The following CTNNA2 variants were observed in gnomAD, a reference collection of about 807,000 sequenced individuals.
CTNNA2 encodes catenin alpha 2.
Under a neutral mutation model 101.0 loss-of-function variants are expected in CTNNA2, and 42 were observed. The ratio of observed to expected loss-of-function variants is 0.42; its 90% CI spans 0.32 to 0.54. The LOEUF (loss-of-function observed/expected upper bound fraction) is 0.54, where lower values mean the gene tolerates loss of function less well. Among genes scored for constraint, CTNNA2 ranks in the 20% least tolerant of loss-of-function variants. The pLI is 0.14. For synonymous variants in CTNNA2, 450 were observed against 456.4 expected (o/e 0.99, Z 0.18); for missense variants, 871 against 1,223.1 (o/e 0.71, Z 4.29).
chr2:79,522,607 T>C (rs1322914112), intron 1 of CTNNA2, among the ~76,000 whole-genome samples: 2 of 152,162 alleles, frequency 1.3e-5, no homozygotes, highest in Non-Finnish European at 1.5e-5. Flanking sequence ...GTATTAGTAC[T>C]TTCAGATTCA....
intron 3 of CTNNA2, among the ~76,000 whole-genome samples, chr2:79,765,454 T>C (rs1248879928): frequency 6.6e-6 from 1 of 152,168 alleles, no homozygotes; most frequent in Non-Finnish European, 1.5e-5. Flanking sequence ...AACTTCTGTA[T>C]GCATTAAAAT....
At chr2:79,925,730 C>G (rs768945028) in intron 7 of CTNNA2, among the ~76,000 whole-genome samples, 1 of 152,004 alleles carries the variant, frequency 6.6e-6, no homozygotes, top group East Asian at 1.9e-4. Flanking sequence ...TCCCTCTGTC[C>G]CCCAGATCTG....
intron 9 of CTNNA2, among the ~76,000 whole-genome samples, chr2:80,429,652 C>T (rs1681309408): frequency 6.6e-6 from 1 of 152,164 alleles, no homozygotes; most frequent in Non-Finnish European, 1.5e-5. Context: ...CTTTATTTTA[C>T]TGCACATACC....
chr2:79,740,437 A>G (rs964410496), intron 2 of CTNNA2, among the ~76,000 whole-genome samples: 1 of 152,152 alleles, frequency 6.6e-6, no homozygotes, highest in African/African-American at 2.4e-5. Context: ...AAGATTTTTG[A>G]AATACTTTTG....
intron 2 of CTNNA2, among the ~76,000 whole-genome samples, chr2:79,691,624 A>G (rs1684307952): frequency 6.6e-6 from 1 of 152,166 alleles, no homozygotes; most frequent in Non-Finnish European, 1.5e-5. Context: ...ACTTCAAACT[A>G]TACTACAAGG....
At chr2:79,448,785 A>G (rs1573170947) in intron 4 of CTNNA2, among the ~76,000 whole-genome samples, 1 of 152,086 alleles carries the variant, frequency 6.6e-6, no homozygotes, top group East Asian at 1.9e-4. Flanking sequence ...TTATGCCATG[A>G]AGAGTTAATA....
intron 7 of CTNNA2, among the ~76,000 whole-genome samples, chr2:80,070,743 GTTCCA>G (rs1304552822): frequency 6.7e-6 from 1 of 149,810 alleles, no homozygotes; most frequent in South Asian, 2.1e-4. Flanking sequence ...TCTGAAATCA[GTTCCA>G]TTGGGCCAAA....
chr2:79,712,512 T>C (rs551150579), intron 2 of CTNNA2, among the ~76,000 whole-genome samples: 3 of 152,282 alleles, frequency 2.0e-5, no homozygotes, highest in African/African-American at 7.2e-5. Context: ...TATTATTATC[T>C]AATTGCGAAG....
chr2:80,165,373 A>G (rs1704612959), intron 7 of CTNNA2, among the ~76,000 whole-genome samples: 2 of 151,722 alleles, frequency 1.3e-5, no homozygotes, highest in Admixed American at 1.3e-4. Context: ...TCATCCACTG[A>G]AATTTTAATT....
At chr2:79,436,901 G>A (rs1409153898) in intron 4 of CTNNA2, among the ~76,000 whole-genome samples, 5 of 151,808 alleles carry the variant, frequency 3.3e-5, no homozygotes, top group Non-Finnish European at 5.9e-5. Context: ...AAAGTGCTGG[G>A]ATTACAGGCG....
chr2:79,602,864 G>A (rs1174187315), intron 1 of CTNNA2, among the ~76,000 whole-genome samples: 1 of 152,090 alleles, frequency 6.6e-6, no homozygotes, highest in African/African-American at 2.4e-5. Context: ...AATCAATATA[G>A]TAAAGATGTC....
chr2:79,611,821 AAGTC>A lies in CTNNA2; in HGVS notation c.-5-39728_-5-39725del, dbSNP rs151251954. 5.1e-3 allele frequency among the ~76,000 whole-genome samples: 777 copies of A among 152,294 alleles called. 5 individuals carry two copies. The highest frequency in any genetic ancestry group is 0.015 in the East Asian group (77 of 5,182). ...TTTACTTTTTTGCTTGAATTATACAAAGTCAGCGATATAAATAACCACGCTTTGA... is the reference window on the plus strand; with the variant it reads ...TTTACTTTTTTGCTTGAATTATACAAAGCGATATAAATAACCACGCTTTGA... On this transcript the variant is annotated intron_variant, in intron 1 of 18. Transcript: ENST00000402739.
chr2:79,538,501 G>A (rs565387123), intron 1 of CTNNA2, among the ~76,000 whole-genome samples: 22 of 152,188 alleles, frequency 1.4e-4, no homozygotes, highest in Non-Finnish European at 2.8e-4. Context: ...TGGAAGCATG[G>A]AGGACAGAGA....
chr2:80,058,685 T>C (rs1420211328), intron 7 of CTNNA2, among the ~76,000 whole-genome samples: 2 of 152,128 alleles, frequency 1.3e-5, no homozygotes, highest in African/African-American at 4.8e-5. Flanking sequence ...TTAAGTGCCA[T>C]AGAACCTTAG....
chr2:79,521,107 GATATATAT>G (rs59797728), intron 1 of CTNNA2, among the ~76,000 whole-genome samples: 87 of 105,150 alleles, frequency 8.3e-4, no homozygotes, highest in Non-Finnish European at 1.2e-3. Flanking sequence ...CAAAGCTGCT[GATATATAT>G]ATATATATAT....
intron 1 of CTNNA2, among the ~76,000 whole-genome samples, chr2:79,540,579 G>A (rs987940226): frequency 6.6e-6 from 1 of 152,034 alleles, no homozygotes; most frequent in African/African-American, 2.4e-5. Flanking sequence ...CCTAAAGTGT[G>A]GCATGAATGC....
At chr2:80,567,854 T>C (rs1157596770) in intron 12 of CTNNA2, among the ~76,000 whole-genome samples, 1 of 152,192 alleles carries the variant, frequency 6.6e-6, no homozygotes, top group African/African-American at 2.4e-5. Flanking sequence ...ATATTTTATG[T>C]TATTTTTAGA....
At chr2:80,412,023 G>A (rs1469157526) in intron 8 of CTNNA2, among the ~76,000 whole-genome samples, 1 of 151,956 alleles carries the variant, frequency 6.6e-6, no homozygotes, top group East Asian at 1.9e-4. Context: ...GCTTTCTTGT[G>A]CTGCACCCAG....
At chr2:79,997,406 A>G in intron 7 of CTNNA2, among the ~76,000 whole-genome samples, 1 of 152,192 alleles carries the variant, frequency 6.6e-6, no homozygotes, top group South Asian at 2.1e-4. Context: ...AGGAAAGGAA[A>G]GAGGAAAGAG....
Sources: allele counts gnomAD v4.1 joint callset (sites outside exome capture counted in the v4.1 genomes callset), GRCh38; gene constraint gnomAD v4.1.1; transcripts MANE v1.5; gene names NCBI Gene and HGNC (gene_info 2026-07-23, HGNC 2026-07-21).